The following PTPRT variants were observed in gnomAD, a reference collection of about 807,000 sequenced individuals.
PTPRT encodes receptor-type tyrosine-protein phosphatase T.
A neutral mutation model predicts 176.8 loss-of-function variants in PTPRT; 56 were observed. The ratio of observed to expected loss-of-function variants is 0.32; its 90% CI spans 0.26 to 0.40. The LOEUF (loss-of-function observed/expected upper bound fraction) is 0.40. PTPRT is among the 10% of genes least tolerant of loss of function. The pLI is 1.00. For synonymous variants in PTPRT, 783 were observed against 739.0 expected (o/e 1.06, Z -0.96); for missense variants, 1,540 against 1,908.2 (o/e 0.81, Z 3.60).
chr20:42,890,609 A>G (rs1173410184), intron 1 of PTPRT, among the ~76,000 whole-genome samples: 1 of 152,114 alleles, frequency 6.6e-6, no homozygotes, highest in African/African-American at 2.4e-5. Context: ...CAAGAGGAGG[A>G]GGAGAAATTA....
intron 5 of PTPRT, among the ~76,000 whole-genome samples, chr20:42,769,910 T>C (rs2077038151): frequency 6.6e-6 from 1 of 152,154 alleles, no homozygotes; most frequent in Non-Finnish European, 1.5e-5. Flanking sequence ...ACATATAAGC[T>C]AATACATACT....
intron 17 of PTPRT, among the ~76,000 whole-genome samples, chr20:42,148,259 CATT>C (rs1988962635): frequency 8.9e-6 from 1 of 112,136 alleles, no homozygotes; most frequent in African/African-American, 3.6e-5. Flanking sequence ...CCAAGGCAGT[CATT>C]TTTTTTTTTT....
At chr20:42,678,183 G>C (rs765432168) in intron 6 of PTPRT, 24 bp from the exon 7 acceptor site, 2 of 1,600,542 alleles carry the variant, frequency 1.2e-6, no homozygotes, top group East Asian at 2.2e-5. Context: ...AATCAAAAAG[G>C]ACTGTCAGAT....
At chr20:42,333,710 G>A (rs371768679) in intron 11 of PTPRT, among the ~76,000 whole-genome samples, 7 of 152,016 alleles carry the variant, frequency 4.6e-5, no homozygotes, top group East Asian at 1.9e-4. Context: ...ATGGAGTCTC[G>A]CTTTGTCACC....
chr20:42,834,415 A>G (rs557867619), intron 2 of PTPRT, among the ~76,000 whole-genome samples: 1 of 152,280 alleles, frequency 6.6e-6, no homozygotes, highest in African/African-American at 2.4e-5. Flanking sequence ...CCTATTGCTC[A>G]TGAGTATGCA....
chr20:42,811,985 G>C (rs74893698), intron 2 of PTPRT, among the ~76,000 whole-genome samples: 1 of 152,080 alleles, frequency 6.6e-6, no homozygotes, highest in East Asian at 1.9e-4. Context: ...CTTGAACTAT[G>C]CTTTCTTTCC....
intron 16 of PTPRT, among the ~76,000 whole-genome samples, chr20:42,196,612 T>C (rs1991227064): frequency 6.6e-6 from 1 of 152,210 alleles, no homozygotes; most frequent in African/African-American, 2.4e-5. Flanking sequence ...GGTTTACAGA[T>C]GCAAAATTAT....
At chr20:42,244,338 G>A (rs1436547098) in intron 14 of PTPRT, among the ~76,000 whole-genome samples, 1 of 152,152 alleles carries the variant, frequency 6.6e-6, no homozygotes, top group African/African-American at 2.4e-5. Flanking sequence ...TTATACTCAA[G>A]ACACTCCAAA....
chr20:42,593,894 C>A (rs566578473), intron 7 of PTPRT, among the ~76,000 whole-genome samples: 1 of 152,312 alleles, frequency 6.6e-6, no homozygotes, highest in South Asian at 2.1e-4. Context: ...CGAGTTTAGG[C>A]TTCTCAATAT....
At chr20:42,641,518 G>C (rs1456893525) in intron 7 of PTPRT, among the ~76,000 whole-genome samples, 1 of 152,106 alleles carries the variant, frequency 6.6e-6, no homozygotes, top group East Asian at 1.9e-4. Context: ...CATAGGTCAG[G>C]CATCAGCTTT....
chr20:42,357,784 C>G (rs937884430), intron 9 of PTPRT, among the ~76,000 whole-genome samples: 1 of 151,858 alleles, frequency 6.6e-6, no homozygotes, highest in African/African-American at 2.4e-5. Flanking sequence ...CATGGTGATG[C>G]ACGCCTGTAG....
chr20:43,122,944 C>A (rs2013321700), intron 1 of PTPRT, among the ~76,000 whole-genome samples: 1 of 152,182 alleles, frequency 6.6e-6, no homozygotes. Flanking sequence ...GCCTCCACCT[C>A]CTGTGTTCAA....
intron 16 of PTPRT, among the ~76,000 whole-genome samples, chr20:42,197,154 C>A (rs995054039): frequency 5.9e-5 from 9 of 151,728 alleles, no homozygotes; most frequent in African/African-American, 1.2e-4. Flanking sequence ...CCGAGGCGGG[C>A]GGATTACGAG....
intron 8 of PTPRT, among the ~76,000 whole-genome samples, chr20:42,467,675 A>G (rs144235020): frequency 2.6e-5 from 4 of 152,228 alleles, no homozygotes; most frequent in Admixed American, 1.3e-4. Context: ...TGGTTAAAAT[A>G]TTGTATGTAT....
At chr20:42,278,014 C>T (rs755371550) in intron 13 of PTPRT, among the ~76,000 whole-genome samples, 1 of 142,446 alleles carries the variant, frequency 7.0e-6, no homozygotes, top group Non-Finnish European at 1.5e-5. Flanking sequence ...TAAGCACAGT[C>T]TTTGCACTTA....
intron 8 of PTPRT, among the ~76,000 whole-genome samples, chr20:42,451,318 G>C (rs867727297): frequency 6.6e-6 from 1 of 152,140 alleles, no homozygotes; most frequent in African/African-American, 2.4e-5. Context: ...TGTTTATAGA[G>C]AGGGAGCCTT....
chr20:42,660,678 C>T (rs2075206917), intron 7 of PTPRT, among the ~76,000 whole-genome samples: 1 of 152,124 alleles, frequency 6.6e-6, no homozygotes, highest in Non-Finnish European at 1.5e-5. Context: ...TTATTGCATC[C>T]CTCCAGGTGC....
intron 2 of PTPRT, among the ~76,000 whole-genome samples, chr20:42,797,502 C>T (rs1205659668): frequency 2.6e-5 from 4 of 152,064 alleles, no homozygotes; most frequent in South Asian, 4.2e-4. Context: ...TCCTGACCCC[C>T]ACCCCTCCTG....
At chr20:42,633,626 A>C (rs989866114) in intron 7 of PTPRT, among the ~76,000 whole-genome samples, 3 of 149,160 alleles carry the variant, frequency 2.0e-5, no homozygotes, top group African/African-American at 7.5e-5. Context: ...TCTTTACTTA[A>C]AATACAAAAA....
Sources: allele counts gnomAD v4.1 joint callset (sites outside exome capture counted in the v4.1 genomes callset), GRCh38; gene constraint gnomAD v4.1.1; transcripts MANE v1.5; gene names NCBI Gene and HGNC (gene_info 2026-07-23, HGNC 2026-07-21).